Variants in CCNY observed in about 807,000 individuals in gnomAD.
CCNY encodes cyclin-Y.
In CCNY, 19 loss-of-function variants were observed where a neutral mutation model predicts 42.8. That is an observed-to-expected ratio of 0.44 (90% CI 0.31 to 0.65). The LOEUF (loss-of-function observed/expected upper bound fraction) is 0.65, where lower values mean the gene tolerates loss of function less well. Ranked by LOEUF, CCNY falls within the 30% of genes least tolerant of loss-of-function variation. The pLI is 0.07. For synonymous variants in CCNY, 165 were observed against 162.7 expected (o/e 1.01, Z -0.11); for missense variants, 370 against 437.3 (o/e 0.85, Z 1.37).
At position 35,570,794 on chromosome 10, in the gene CCNY, G is replaced by A. The variant is rs1032664120; in HGVS notation, c.*1624G>A. 15 of 152,346 alleles carry A rather than the reference G, an allele frequency of 9.8e-5. No homozygotes were observed. Among genetic ancestry groups the A allele is most frequent in the Non-Finnish European group, 1.5e-5 (1 of 68,038 alleles). The allele number at this position is 152,346 out of a possible 1,614,324, so 9.4% of individuals were successfully genotyped here. A position where few individuals can be genotyped will look rare whatever the true frequency, so the allele number is the denominator to read the frequency against. ...TTTGGAAATGGAAGGGACTCAGAAA[G>A]TCGAAATCCCAAGAACTCCAAGCCA... On this transcript the variant is annotated 3_prime_UTR_variant, in exon 10 of 10. Coordinates refer to ENST00000374704, the MANE Select transcript of CCNY (RefSeq NM_145012.6).
chr10:35,381,600 A>T (rs1265782668), intron 1 of CCNY, among the ~76,000 whole-genome samples: 1 of 151,942 alleles, frequency 6.6e-6, no homozygotes, highest in African/African-American at 2.4e-5. Context: ...TGTATGCAAC[A>T]TGGAGGTTAA....
Position 35,461,088 on chromosome 10 carries a change from C to A in CCNY, c.155-22316C>A, listed in dbSNP as rs371366020. Reference sequence around the variant, plus strand: ...GACAGCTCCCAGGCCCACCACTGGGCTGGCTGAAGGTCTCCTGTTTATGGA... The same window carrying A: ...GACAGCTCCCAGGCCCACCACTGGGATGGCTGAAGGTCTCCTGTTTATGGA... On this transcript the variant is annotated intron_variant, in intron 1 of 9. Coordinates refer to ENST00000374704, the MANE Select transcript of CCNY (RefSeq NM_145012.6). 3.0e-4 allele frequency among the ~76,000 whole-genome samples: 45 copies of A among 152,280 alleles called. No individual in the cohort carries two copies. In the East Asian group the frequency reaches 6.2e-3, roughly 21 times the overall value.
intron 1 of CCNY, among the ~76,000 whole-genome samples, chr10:35,348,726 C>T (rs1042059463): frequency 1.3e-5 from 2 of 152,118 alleles, no homozygotes; most frequent in East Asian, 1.9e-4. Flanking sequence ...TTATTCTTAG[C>T]GATGTTTGGG....
At chr10:35,349,695 G>A (rs113678546) in intron 1 of CCNY, among the ~76,000 whole-genome samples, 6 of 152,122 alleles carry the variant, frequency 3.9e-5, no homozygotes, top group South Asian at 4.1e-4. Context: ...TTGACATTAG[G>A]GGGGGCTGCC....
intron 3 of CCNY, among the ~76,000 whole-genome samples, chr10:35,255,569 AT>A (rs1046631494): frequency 2.0e-5 from 3 of 151,890 alleles, no homozygotes; most frequent in Admixed American, 6.6e-5. Context: ...AAGTGCTGAG[AT>A]TACAGGCATG....
chr10:35,347,438 G>A, intron 1 of CCNY: 11 of 984,018 alleles, frequency 1.1e-5, no homozygotes, highest in Non-Finnish European at 1.2e-5. Flanking sequence ...GTTGAAGGCT[G>A]ACTAGGAAAT....
chr10:35,458,270 G>T (rs992273443), intron 1 of CCNY, among the ~76,000 whole-genome samples: 4 of 152,186 alleles, frequency 2.6e-5, no homozygotes, highest in African/African-American at 9.7e-5. Flanking sequence ...TTGATGTGAT[G>T]ACTTGGCCCT....
upstream of CCNY, among the ~76,000 whole-genome samples, chr10:35,335,342 G>A (rs543082855): frequency 1.3e-5 from 2 of 152,168 alleles, no homozygotes; most frequent in East Asian, 1.9e-4. Flanking sequence ...GCAAAGCAAA[G>A]CAAAGCAAGG....
intron 1 of CCNY, among the ~76,000 whole-genome samples, chr10:35,442,655 G>A (rs1490898886): frequency 6.6e-6 from 1 of 152,196 alleles, no homozygotes; most frequent in African/African-American, 2.4e-5. Context: ...ACATTTTCAT[G>A]TTTGGAACAT....
chr10:35,277,991 T>C (rs114542602), intron 3 of CCNY, among the ~76,000 whole-genome samples: 3,458 of 152,258 alleles, frequency 0.023, 124 homozygotes, highest in African/African-American at 0.078. Flanking sequence ...GGGTCCCTCC[T>C]GCCTTTAGTG....
chr10:35,253,391 A>C (rs2095713269), intron 3 of CCNY, among the ~76,000 whole-genome samples: 1 of 149,076 alleles, frequency 6.7e-6, no homozygotes, highest in Non-Finnish European at 1.5e-5. Context: ...CTGTGACTAC[A>C]GGCATGCACC....
chr10:35,343,579 G>A (rs530658989), intron 1 of CCNY, among the ~76,000 whole-genome samples: 53 of 151,824 alleles, frequency 3.5e-4, no homozygotes, highest in African/African-American at 1.1e-3. Flanking sequence ...TAGTAGAGAC[G>A]GGGTTTTGCC....
At chr10:35,331,256 G>A (rs191056267) in intron 3 of CCNY, among the ~76,000 whole-genome samples, 240 of 152,330 alleles carry the variant, frequency 1.6e-3, no homozygotes, top group Non-Finnish European at 2.6e-3. Context: ...ACTTATGCCT[G>A]ACCCTGCTAG....
At chr10:35,551,078 A>G (rs928062447) in intron 7 of CCNY, among the ~76,000 whole-genome samples, 1 of 152,156 alleles carries the variant, frequency 6.6e-6, no homozygotes, top group Non-Finnish European at 1.5e-5. Context: ...CAGAGAACAC[A>G]CCTACCTAGC....
At chr10:35,565,550 A>T (rs1841552613) in intron 8 of CCNY, among the ~76,000 whole-genome samples, 1 of 152,108 alleles carries the variant, frequency 6.6e-6, no homozygotes, top group South Asian at 2.1e-4. Flanking sequence ...GAAAGCCCCT[A>T]CACAGTTCCT....
Position 35,569,099 on chromosome 10 carries a change from TC to T in CCNY, c.957del (p.Ala320ArgfsTer11), listed in dbSNP as rs1371725276. On this transcript the variant is annotated frameshift_variant, in exon 10 of 10. Transcript: ENST00000374704. LOFTEE classifies it high-confidence loss of function. Reference sequence around the variant, plus strand: ...GGACAAGTACAAGGACCTAAGAAGATCCGCGAGGAAGCGCTCAGCCAGTGCA... The same window carrying T: ...GGACAAGTACAAGGACCTAAGAAGATCGCGAGGAAGCGCTCAGCCAGTGCA... ...CEDKYKDLRR[S>X]ARKRSASADN... 3 of 1,613,084 alleles carry T rather than the reference TC, an allele frequency of 1.9e-6. No homozygotes were observed. The highest frequency in any genetic ancestry group is 2.5e-6 in the Non-Finnish European group (3 of 1,179,958).
At position 35,357,383 on chromosome 10, in the gene CCNY, A is replaced by G. The variant is rs74763023; in HGVS notation, c.154+20176A>G. 3.2e-4 allele frequency among the ~76,000 whole-genome samples: 49 copies of G among 152,342 alleles called. No individual in the cohort carries two copies. In the East Asian group the frequency reaches 8.7e-3, roughly 27 times the overall value. On this transcript the variant is annotated intron_variant, in intron 1 of 9. Transcript: ENST00000374704. ...TCCATCACCTAACACAGTACTTAGC[A>G]TATAGTAGTTCTCAGGAAATACTCG...
At chr10:35,436,613 C>G (rs141214043) in intron 1 of CCNY, among the ~76,000 whole-genome samples, 115 of 152,308 alleles carry the variant, frequency 7.6e-4, no homozygotes, top group African/African-American at 2.6e-3. Context: ...AGCACTTGCT[C>G]TTACCCACAT....
chr10:35,554,221 A>G (rs1841318143), intron 8 of CCNY, among the ~76,000 whole-genome samples: 1 of 152,040 alleles, frequency 6.6e-6, no homozygotes, highest in Non-Finnish European at 1.5e-5. Context: ...ATTCCGCAGC[A>G]GCCTAGGGCC....
Sources: allele counts gnomAD v4.1 joint callset (sites outside exome capture counted in the v4.1 genomes callset), GRCh38; gene constraint gnomAD v4.1.1; transcripts MANE v1.5; gene names NCBI Gene and HGNC (gene_info 2026-07-23, HGNC 2026-07-21).